The following CACNA2D4 variants were observed in gnomAD, a reference collection of about 807,000 sequenced individuals.
CACNA2D4 encodes voltage-dependent calcium channel subunit alpha-2/delta-4.
In CACNA2D4, 157 loss-of-function variants were observed where a neutral mutation model predicts 163.8. The ratio of observed to expected loss-of-function variants is 0.96; its 90% CI spans 0.84 to 1.09. CACNA2D4 has a LOEUF of 1.09. Ranked by LOEUF, CACNA2D4 falls within the 50% of genes least tolerant of loss-of-function variation. CACNA2D4 has a pLI of 0.00. For synonymous variants in CACNA2D4, 598 were observed against 586.9 expected (o/e 1.02, Z -0.27); for missense variants, 1,410 against 1,479.9 (o/e 0.95, Z 0.78).
chr12:1,863,989 C>T (rs1164340354), intron 18 of CACNA2D4, among the ~76,000 whole-genome samples: 1 of 152,246 alleles, frequency 6.6e-6, no homozygotes, highest in Non-Finnish European at 1.5e-5. Flanking sequence ...GGACATGCCA[C>T]CAGGTGCCTT....
At chr12:1,823,198 C>T (rs889239834) in intron 26 of CACNA2D4, 1 of 152,558 alleles carries the variant, frequency 6.6e-6, no homozygotes, top group Admixed American at 6.5e-5. Context: ...CATTATCTGG[C>T]TGTGTGTCTT....
Position 1,878,946 on chromosome 12 carries a change from C to G in CACNA2D4, c.1644+10G>C, listed in dbSNP as rs1037990675. The G allele has an allele frequency of 1.2e-6, 2 of 1,612,238 alleles. No individual in the cohort carries two copies. Among genetic ancestry groups the G allele is most frequent in the African/African-American group, 2.7e-5 (2 of 74,872 alleles). ...CCTGTGATCCCCACAGGGAACAGAC[C>G]CAGGCTCACCTTGTACCGGGGCGCC... On this transcript the variant is annotated intron_variant, in intron 15 of 37. Coordinates refer to ENST00000382722, the MANE Select transcript of CACNA2D4 (RefSeq NM_172364.5). This position sits in a 1 kb window ranked among gnomAD's most constrained non-coding sequence, Gnocchi z 4.6.
chr12:1,802,879 CTGA>C lies in CACNA2D4; in HGVS notation c.2722-1238_2722-1236del, dbSNP rs1863387751. On this transcript the variant is annotated intron_variant, in intron 29 of 37. Coordinates refer to ENST00000382722, the MANE Select transcript of CACNA2D4 (RefSeq NM_172364.5). This position sits in a 1 kb window ranked among gnomAD's most constrained non-coding sequence, Gnocchi z 4.7. ...CTGTGGAGTCCTAGTCTCACTCTGC[CTGA>C]TAAGATATTTGGTTGAAAACTGTAT... Among the ~76,000 whole-genome samples the C allele has an allele frequency of 1.3e-5, 2 of 152,198 alleles. No homozygotes were observed. Among genetic ancestry groups the C allele is most frequent in the Admixed American group, 1.3e-4 (2 of 15,280 alleles).
Position 1,878,438 on chromosome 12 carries a change from G to T in CACNA2D4, c.1645-49C>A. ...GCATTAGGCCTGCTGTTTGTGCTGG[G>T]CATCTGGAGTTGGGCAGGGGTTTGG... On this transcript the variant is annotated intron_variant, in intron 15 of 37. Coordinates refer to ENST00000382722, the MANE Select transcript of CACNA2D4 (RefSeq NM_172364.5). This position sits in a 1 kb window ranked among gnomAD's most constrained non-coding sequence, Gnocchi z 4.6. The T allele has an allele frequency of 6.4e-7, 1 of 1,561,474 alleles. No homozygotes were observed. Among genetic ancestry groups the T allele is most frequent in the East Asian group, 2.4e-5 (1 of 41,772 alleles).
Position 1,844,551 on chromosome 12 carries a change from A to C in CACNA2D4, c.2343-22T>G. 3 of 1,608,452 alleles carry C rather than the reference A, an allele frequency of 1.9e-6. No homozygotes were observed. Among genetic ancestry groups the C allele is most frequent in the Non-Finnish European group, 2.5e-6 (3 of 1,176,724 alleles). On this transcript the variant is annotated intron_variant, in intron 24 of 37. Coordinates refer to ENST00000382722, the MANE Select transcript of CACNA2D4 (RefSeq NM_172364.5). The surrounding 1 kb of genome is among the most constrained non-coding windows in gnomAD (Gnocchi z 4.2). ...CTTCCTGCAAGGAGGAAGATGTGGT[A>C]CCTCTCCCCAGATCTGTGAACACAG...
chr12:1,917,470 G>A lies in CACNA2D4; in HGVS notation c.227+777C>T, dbSNP rs903321726. 3.3e-5 allele frequency among the ~76,000 whole-genome samples: 5 copies of A among 152,156 alleles called. No homozygotes were observed. Among genetic ancestry groups the A allele is most frequent in the Non-Finnish European group, 7.4e-5 (5 of 68,024 alleles). On this transcript the variant is annotated intron_variant, in intron 1 of 37. Transcript: ENST00000382722. This position sits in a 1 kb window ranked among gnomAD's most constrained non-coding sequence, Gnocchi z 4.3. The stretch of plus-strand genomic sequence containing the variant: ...CCTGGCTATGGTGCTGGGCTCAAGC[G>A]GCTGGAGTAAACAGGATGGGGTCTG...
chr12:1,859,737 A>C (rs1013723723), intron 19 of CACNA2D4, among the ~76,000 whole-genome samples: 1 of 152,280 alleles, frequency 6.6e-6, no homozygotes, highest in South Asian at 2.1e-4. Context: ...GTGACGCATC[A>C]GTAAAGCAGG....
intron 13 of CACNA2D4, among the ~76,000 whole-genome samples, chr12:1,881,084 C>A (rs1865985103): frequency 6.6e-6 from 1 of 152,150 alleles, no homozygotes; most frequent in South Asian, 2.1e-4. Context: ...GTCCGGGAGA[C>A]CTGCAGGTGA....
At position 1,828,857 on chromosome 12, in the gene CACNA2D4, T is replaced by C. The variant is rs1056414722; in HGVS notation, c.2551+11882A>G. ...GAATGAAGGCAACACTTGGCAGCTGTCAGGGTGAAAGGAGCCCTGAGAATT... is the reference window on the plus strand; with the variant it reads ...GAATGAAGGCAACACTTGGCAGCTGCCAGGGTGAAAGGAGCCCTGAGAATT... On this transcript the variant is annotated intron_variant, in intron 26 of 37. Transcript: ENST00000382722. This position sits in a 1 kb window ranked among gnomAD's most constrained non-coding sequence, Gnocchi z 4.2. 1.3e-5 allele frequency among the ~76,000 whole-genome samples: 2 copies of C among 152,150 alleles called. No individual in the cohort carries two copies. The highest frequency in any genetic ancestry group is 4.8e-5 in the African/African-American group (2 of 41,430).
rs1865723031 is a variant in CACNA2D4 at position 1,869,414 on chromosome 12, C to T, written c.1878+5190G>A. On this transcript the variant is annotated intron_variant, in intron 18 of 37. Transcript: ENST00000382722. The surrounding 1 kb of genome is among the most constrained non-coding windows in gnomAD (Gnocchi z 4.7). ...GCTGCTGGCTCTCCTCCTTCAGTTTCCCTGAGACCTAACCTGGTGAGGATG... is the reference window on the plus strand; with the variant it reads ...GCTGCTGGCTCTCCTCCTTCAGTTTTCCTGAGACCTAACCTGGTGAGGATG... 6.6e-6 allele frequency among the ~76,000 whole-genome samples: 1 copy of T among 152,368 alleles called. No homozygotes were observed. Among genetic ancestry groups the T allele is most frequent in the Non-Finnish European group, 1.5e-5 (1 of 68,042 alleles).
At chr12:1,879,747 G>C in intron 14 of CACNA2D4, 57 bp downstream of exon 14, 1 of 1,353,062 alleles carries the variant, frequency 7.4e-7, no homozygotes, top group Non-Finnish European at 1.0e-6. Flanking sequence ...TCTAAAGATG[G>C]CACTGAAGCC....
intron 7 of CACNA2D4, 138 bp downstream of exon 7, chr12:1,886,871 T>C: frequency 1.6e-6 from 1 of 615,862 alleles, no homozygotes; most frequent in Non-Finnish European, 3.0e-6. Context: ...CCTGCTCTTG[T>C]GTCGGGCTAG....
chr12:1,840,195 C>T (rs886668904), intron 26 of CACNA2D4, among the ~76,000 whole-genome samples: 1 of 152,082 alleles, frequency 6.6e-6, no homozygotes, highest in African/African-American at 2.4e-5. Context: ...GCAAAGTTTT[C>T]AAGAAGTTAC....
At chr12:1,826,656 GA>G (rs1864342565) in intron 26 of CACNA2D4, among the ~76,000 whole-genome samples, 2 of 152,196 alleles carry the variant, frequency 1.3e-5, no homozygotes, top group Admixed American at 1.3e-4. Context: ...GGAAGGGGAG[GA>G]AAGACAGCCG....
rs1422105615 is a variant in CACNA2D4 at position 1,796,920 on chromosome 12, C to T, written c.3113+498G>A. 3.3e-5 allele frequency among the ~76,000 whole-genome samples: 5 copies of T among 152,234 alleles called. No individual in the cohort carries two copies. The East Asian group carries it at 7.7e-4, about 23-fold the overall frequency. Reference sequence around the variant, plus strand: ...GGCTTCCACACAGCAGGAAGCCTGACAGAGGCTGCCCGCGGGGCTCCCAGC... The same window carrying T: ...GGCTTCCACACAGCAGGAAGCCTGATAGAGGCTGCCCGCGGGGCTCCCAGC... On this transcript the variant is annotated intron_variant, in intron 35 of 37. Coordinates refer to ENST00000382722, the MANE Select transcript of CACNA2D4 (RefSeq NM_172364.5).
Position 1,918,399 on chromosome 12 carries a change from G to T in CACNA2D4, c.75C>A (p.Leu25=). 2 of 1,599,242 alleles carry T rather than the reference G, an allele frequency of 1.3e-6. No individual in the cohort carries two copies. Among genetic ancestry groups the T allele is most frequent in the Non-Finnish European group, 1.7e-6 (2 of 1,173,388 alleles). ...AGCGGCTGCTGGAGCTGGGGTTTGC[G>T]AGGAAGTTGGGAGTTGCAGGCATGG... is the stretch of plus-strand genomic sequence containing the variant. The part of the protein sequence containing the change: ...RPTMPATPNF[L]ANPSSSSRWI... The change falls in exon 1 of 38, where the codon CTC becomes CTA. Residue 25 remains leucine, a synonymous_variant. Transcript: ENST00000382722.
intron 18 of CACNA2D4, among the ~76,000 whole-genome samples, chr12:1,868,070 A>T (rs1239154691): frequency 6.6e-6 from 1 of 152,234 alleles, no homozygotes; most frequent in African/African-American, 2.4e-5. Context: ...GCCTAAAGAA[A>T]TGAAAAGTAG....
intron 22 of CACNA2D4, among the ~76,000 whole-genome samples, 178 bp from the exon 23 acceptor site, chr12:1,854,222 C>T (rs1186172116): frequency 6.6e-5 from 10 of 152,202 alleles, no homozygotes; most frequent in Non-Finnish European, 1.2e-4. Context: ...ACTTTCTCAA[C>T]TCCAAAAAAT....
intron 26 of CACNA2D4, among the ~76,000 whole-genome samples, chr12:1,826,798 G>C (rs1244269387): frequency 6.6e-6 from 1 of 152,212 alleles, no homozygotes; most frequent in Non-Finnish European, 1.5e-5. Flanking sequence ...GACCAGAGGG[G>C]AGAAGATGGG....
Sources: allele counts gnomAD v4.1 joint callset (sites outside exome capture counted in the v4.1 genomes callset), GRCh38; gene constraint gnomAD v4.1.1; non-coding constraint Gnocchi (gnomAD v3.1); transcripts MANE v1.5; gene names NCBI Gene and HGNC (gene_info 2026-07-23, HGNC 2026-07-21).